Variants in PROK2 observed in about 807,000 individuals in gnomAD.
PROK2 encodes prokineticin 2.
PROK2 carries 8 observed loss-of-function variants against 14.2 expected under a neutral mutation model. The ratio of observed to expected loss-of-function variants is 0.56; its 90% CI spans 0.33 to 1.02. The LOEUF is 1.02. Among genes scored for constraint, PROK2 ranks in the 50% least tolerant of loss-of-function variants. PROK2 has a pLI of 0.03. For synonymous variants in PROK2, 59 were observed against 60.7 expected (o/e 0.97, Z 0.13); for missense variants, 154 against 160.4 (o/e 0.96, Z 0.22).
At chr3:71,776,227 G>T (rs2050116909) in intron 2 of PROK2, among the ~76,000 whole-genome samples, 1 of 152,040 alleles carries the variant, frequency 6.6e-6, no homozygotes, top group Non-Finnish European at 1.5e-5. Context: ...ACACTGAACT[G>T]CAGGGTCCTT....
intron 2 of PROK2, among the ~76,000 whole-genome samples, chr3:71,776,364 A>ATTT (rs58407323): frequency 2.3e-4 from 17 of 75,440 alleles, no homozygotes; most frequent in African/African-American, 8.6e-4. Flanking sequence ...TTCGCTTTTC[A>ATTT]TTTTTTTTTT....
chr3:71,771,932 A>C lies in PROK2; in HGVS notation c.*792T>G, dbSNP rs988105031. The C allele has an allele frequency of 6.6e-6, 1 of 152,346 alleles. No homozygotes were observed. The highest frequency in any genetic ancestry group is 1.5e-5 in the Non-Finnish European group (1 of 68,046). 9.4% of individuals were successfully genotyped at this position (152,346 alleles called of 1,614,324 possible). The stretch of plus-strand genomic sequence containing the variant: ...ACTAAGGAAAAAAAACTTTATAAAA[A>C]GTAAAAGAAGTAAATGTAATCTTTT... On this transcript the variant is annotated 3_prime_UTR_variant, in exon 4 of 4. Transcript: ENST00000295619.
intron 3 of PROK2, 109 bp from the exon 4 acceptor site, chr3:71,772,937 G>A (rs778971984): frequency 4.4e-5 from 38 of 863,276 alleles, no homozygotes; most frequent in East Asian, 1.8e-4. Context: ...TTTACTGAGC[G>A]TTAACTACCC....
At position 71,775,105 on chromosome 3, in the gene PROK2, C is replaced by T. The variant is rs566585905; in HGVS notation, c.223-598G>A. On this transcript the variant is annotated intron_variant, in intron 2 of 3. Coordinates refer to ENST00000295619, the MANE Select transcript of PROK2 (RefSeq NM_001126128.2). ...TTTACAATGCACAGGACAACCCCTA[C>T]GACAAAGAATTATCTGGCCCAAGAC... Among the ~76,000 whole-genome samples the T allele has an allele frequency of 1.5e-3, 229 of 152,218 alleles. 2 individuals carry two copies. Among genetic ancestry groups the T allele is most frequent in the African/African-American group, 5.3e-3 (220 of 41,526 alleles).
At chr3:71,776,722 C>T (rs2322143) in intron 2 of PROK2, among the ~76,000 whole-genome samples, 1 of 151,964 alleles carries the variant, frequency 6.6e-6, no homozygotes, top group Non-Finnish European at 1.5e-5. Flanking sequence ...GATGCTTGTC[C>T]GTTTCTTGAC....
intron 2 of PROK2, among the ~76,000 whole-genome samples, chr3:71,778,473 C>A (rs151064956): frequency 6.6e-6 from 1 of 152,112 alleles, no homozygotes; most frequent in East Asian, 1.9e-4. Flanking sequence ...AACTCGGTAG[C>A]TATAAACTCC....
chr3:71,781,510 G>T lies in PROK2; in HGVS notation c.179C>A (p.Pro60His), dbSNP rs2050160123. The change falls in exon 2 of 4, where the codon CCT becomes CAT. Residue 60 changes from proline (P) to histidine (H), a missense_variant. By Grantham distance (77) the Pro-to-His change is moderately conservative. Coordinates refer to ENST00000295619, the MANE Select transcript of PROK2 (RefSeq NM_001126128.2). ...IWVKSIRICT[P>H]MGKLGDSCHP... ...GCAGCTGTCTCCCAGTTTGCCCATA[G>T]GTGTGCAAATCCTTATGCTCTTGAC... The T allele has an allele frequency of 6.2e-7, 1 of 1,613,840 alleles. No homozygotes were observed. Among genetic ancestry groups the T allele is most frequent in the Non-Finnish European group, 8.5e-7 (1 of 1,179,758 alleles).
chr3:71,781,324 G>C, intron 2 of PROK2, 143 bp downstream of exon 2: 1 of 969,190 alleles, frequency 1.0e-6, no homozygotes, highest in Non-Finnish European at 1.6e-6. Context: ...AGAGGAGAGG[G>C]GGTAGTTTTA....
At position 71,785,038 on chromosome 3, in the gene PROK2, G is replaced by A; in HGVS notation, c.15C>T (p.Cys5=). The A allele has an allele frequency of 8.1e-7, 1 of 1,241,026 alleles. No individual in the cohort carries two copies. The allele number at this position is 1,241,026 out of a possible 1,614,324, so 76.9% of individuals were successfully genotyped here. A position where few individuals can be genotyped will look rare whatever the true frequency, so the allele number is the denominator to read the frequency against. MRSL[C]CAPLLLLLLL... The stretch of plus-strand genomic sequence containing the variant: ...GCAAGAGGAGCAGGAGTGGGGCGCA[G>A]CACAGGCTCCTCATGGCGCCCTCGG... Residue 5 remains cysteine, a synonymous_variant, in exon 1 of 4, where the codon TGC becomes TGT. Coordinates refer to ENST00000295619, the MANE Select transcript of PROK2 (RefSeq NM_001126128.2).
At chr3:71,780,384 G>A (rs1443901306) in intron 2 of PROK2, among the ~76,000 whole-genome samples, 1 of 152,232 alleles carries the variant, frequency 6.6e-6, no homozygotes, top group African/African-American at 2.4e-5. Context: ...TGGAGTATGG[G>A]AATGATGTTT....
At chr3:71,782,868 T>C (rs1010413944) in intron 1 of PROK2, among the ~76,000 whole-genome samples, 1 of 152,224 alleles carries the variant, frequency 6.6e-6, no homozygotes, top group Admixed American at 6.5e-5. Context: ...AAACAAAGTA[T>C]CTGGATAAAA....
At position 71,771,884 on chromosome 3, in the gene PROK2, T is replaced by G. The variant is rs542343035; in HGVS notation, c.*840A>C. On this transcript the variant is annotated 3_prime_UTR_variant, in exon 4 of 4. Coordinates refer to ENST00000295619, the MANE Select transcript of PROK2 (RefSeq NM_001126128.2). ...AATACTTCCTCTTCAAGTGACATTT[T>G]CTAGAATATCTCTAAGTAGGAGACT... The G allele has an allele frequency of 1.3e-5, 2 of 152,686 alleles. No homozygotes were observed. The highest frequency in any genetic ancestry group is 4.1e-4 in the South Asian group (2 of 4,826). 9.5% of individuals were successfully genotyped at this position (152,686 alleles called of 1,614,324 possible).
intron 1 of PROK2, among the ~76,000 whole-genome samples, chr3:71,781,921 A>G (rs1050849618): frequency 3.3e-5 from 5 of 152,182 alleles, no homozygotes; most frequent in Admixed American, 2.6e-4. Context: ...TTGAAGAACA[A>G]GACTATATTA....
chr3:71,774,051 G>A (rs1347584162), intron 3 of PROK2, among the ~76,000 whole-genome samples: 1 of 152,328 alleles, frequency 6.6e-6, no homozygotes, highest in East Asian at 1.9e-4. Flanking sequence ...AAGTGAGTGA[G>A]ACGAGTGACT....
chr3:71,778,618 CTAA>C (rs1196276263), intron 2 of PROK2, among the ~76,000 whole-genome samples: 1 of 152,082 alleles, frequency 6.6e-6, no homozygotes, highest in African/African-American at 2.4e-5. Context: ...TTACTATCTA[CTAA>C]TGAGTCATTA....
At position 71,772,643 on chromosome 3, in the gene PROK2, C is replaced by T; in HGVS notation, c.*81G>A. 1 of 1,233,848 alleles carries T rather than the reference C, an allele frequency of 8.1e-7. No individual in the cohort carries two copies. Among genetic ancestry groups the T allele is most frequent in the Non-Finnish European group, 1.2e-6 (1 of 837,944 alleles). The allele number at this position is 1,233,848 out of a possible 1,614,324, so 76.4% of individuals were successfully genotyped here. A position where few individuals can be genotyped will look rare whatever the true frequency, so the allele number is the denominator to read the frequency against. On this transcript the variant is annotated 3_prime_UTR_variant, in exon 4 of 4. Coordinates refer to ENST00000295619, the MANE Select transcript of PROK2 (RefSeq NM_001126128.2). ...GAAGCAAGAGCATTTCTTTCTGGCACATTTTTTGTTTGGCACAATCACAAG... is the reference window on the plus strand; with the variant it reads ...GAAGCAAGAGCATTTCTTTCTGGCATATTTTTTGTTTGGCACAATCACAAG...
intron 1 of PROK2, among the ~76,000 whole-genome samples, chr3:71,784,079 C>A (rs2050191324): frequency 1.3e-5 from 2 of 152,110 alleles, no homozygotes; most frequent in African/African-American, 4.8e-5. Flanking sequence ...GAAATAATTC[C>A]TCACTTAAAA....
At chr3:71,773,690 G>A (rs2050097669) in intron 3 of PROK2, among the ~76,000 whole-genome samples, 1 of 152,150 alleles carries the variant, frequency 6.6e-6, no homozygotes, top group Admixed American at 6.5e-5. Flanking sequence ...AAGGAACAGA[G>A]GAAAATCAGA....
At chr3:71,777,147 G>A (rs1213398870) in intron 2 of PROK2, among the ~76,000 whole-genome samples, 1 of 152,170 alleles carries the variant, frequency 6.6e-6, no homozygotes, top group Non-Finnish European at 1.5e-5. Context: ...ACTGGGCAAA[G>A]CGCATATAGT....
Sources: gnomAD v4.1 joint callset for allele counts (sites outside exome capture counted in the v4.1 genomes callset) on GRCh38, gnomAD v4.1.1 for gene constraint, MANE v1.5 for transcripts, NCBI Gene and HGNC (gene_info 2026-07-23, HGNC 2026-07-21) for gene names.